Variants in DDO observed in about 807,000 individuals in gnomAD.
The protein encoded by DDO is D-aspartate oxidase.
A neutral mutation model predicts 16.8 loss-of-function variants in DDO; 16 were observed. The observed-to-expected ratio is 0.95, with a 90% CI of 0.65 to 1.45. The LOEUF is 1.45. DDO is among the 40% of genes most tolerant of loss of function. The probability of loss-of-function intolerance (pLI) is 0.00; values close to 1 mark genes in which losing one functional copy is unlikely to be tolerated. For missense variants in DDO, 429 were observed against 420.3 expected (o/e 1.02, Z -0.18); for synonymous variants, 180 against 167.2 (o/e 1.08, Z -0.59).
intron 3 of DDO, among the ~76,000 whole-genome samples, chr6:110,407,130 T>C (rs1375015591): frequency 1.3e-5 from 2 of 152,096 alleles, no homozygotes; most frequent in East Asian, 3.8e-4. Context: ...AATAGATGAG[T>C]AAGGCTATAT....
downstream of DDO, chr6:110,388,866 A>C: frequency 1.1e-6 from 1 of 942,512 alleles, no homozygotes; most frequent in Non-Finnish European, 1.3e-6. Context: ...AAAATAAAGC[A>C]GTCTATTCTC....
intron 2 of DDO, among the ~76,000 whole-genome samples, chr6:110,409,743 T>C (rs9374174): frequency 0.39 from 59,660 of 152,056 alleles, 12,058 homozygotes; most frequent in African/African-American, 0.45. Flanking sequence ...GAACTAAATT[T>C]GGCCTCAAAT....
downstream of DDO, among the ~76,000 whole-genome samples, chr6:110,391,480 C>T (rs1773099516): frequency 6.6e-6 from 1 of 151,530 alleles, no homozygotes; most frequent in Non-Finnish European, 1.5e-5. Context: ...AGATTACAGG[C>T]ACCCACCATC....
At chr6:110,404,545 A>C (rs752413963) in intron 4 of DDO, among the ~76,000 whole-genome samples, 13 of 152,206 alleles carry the variant, frequency 8.5e-5, no homozygotes, top group Non-Finnish European at 2.9e-5. Context: ...ATCGAAGTGC[A>C]CACCAAAAAT....
At chr6:110,400,787 C>T (rs1210136173) in intron 4 of DDO, among the ~76,000 whole-genome samples, 1 of 152,252 alleles carries the variant, frequency 6.6e-6, no homozygotes, top group Non-Finnish European at 1.5e-5. Flanking sequence ...AAGGCTATCA[C>T]TAGGACTCAA....
rs781402708 is a variant in DDO, at chr6:110,413,785, TC to T, written c.-4-320del. Among the ~76,000 whole-genome samples, 7 of 152,190 alleles carry T rather than the reference TC, an allele frequency of 4.6e-5. 1 individual carries two copies. The highest frequency in any genetic ancestry group is 1.4e-4 in the African/African-American group (6 of 41,498). ...TCATTCTTCACCCTTCCCTTTTTTT[TC>T]CCCCTGAAAGGGGGTCTTGCTCTGT... On this transcript the variant is annotated intron_variant, in intron 1 of 4. Transcript: ENST00000368924.
At position 110,392,622 on chromosome 6, in the gene DDO, A is replaced by C; in HGVS notation, c.*153T>G. 7.6e-7 allele frequency: 1 copy of C among 1,311,406 alleles called. No homozygotes were observed. Among genetic ancestry groups the C allele is most frequent in the African/African-American group, 1.5e-5 (1 of 66,692 alleles). The allele number at this position is 1,311,406 out of a possible 1,614,324, so 81.2% of individuals were successfully genotyped here. ...CTCTCAAGTAGCTGGGACTATAGGC[A>C]TGCCACCGTGCTCAGCTTACATGTT... On this transcript the variant is annotated 3_prime_UTR_variant, in exon 5 of 5. Coordinates refer to ENST00000368924, the MANE Select transcript of DDO (RefSeq NM_001372108.2).
At chr6:110,410,430 A>G (rs561011256) in intron 2 of DDO, among the ~76,000 whole-genome samples, 6 of 152,354 alleles carry the variant, frequency 3.9e-5, no homozygotes, top group South Asian at 2.1e-4. Flanking sequence ...AAGCTGGTGT[A>G]TTAGTCTGTT....
chr6:110,413,494 C>T (rs368677382), intron 1 of DDO, 28 bp from the exon 2 acceptor site: 1 of 1,598,084 alleles, frequency 6.3e-7, no homozygotes, highest in Admixed American at 1.7e-5. Flanking sequence ...GGAGCTATAC[C>T]CCTTGTTTTA....
intron 1 of DDO, among the ~76,000 whole-genome samples, chr6:110,414,372 TC>T (rs1773971940): frequency 6.6e-6 from 1 of 152,222 alleles, no homozygotes; most frequent in Non-Finnish European, 1.5e-5. Context: ...TAGCCTCCAC[TC>T]CCTCATCTGT....
downstream of DDO, chr6:110,391,752 G>A (rs1349484575): frequency 6.6e-6 from 1 of 152,230 alleles, no homozygotes; most frequent in Non-Finnish European, 1.5e-5. Context: ...GAGGCTCTGA[G>A]TAGGCCTGAG....
intron 3 of DDO, among the ~76,000 whole-genome samples, chr6:110,407,750 G>A (rs1161201330): frequency 2.0e-5 from 3 of 152,138 alleles, no homozygotes; most frequent in African/African-American, 7.2e-5. Context: ...ATGTCAAATA[G>A]CATTTATTCT....
chr6:110,413,025 C>T (rs1221017115), intron 2 of DDO, among the ~76,000 whole-genome samples: 1 of 152,060 alleles, frequency 6.6e-6, no homozygotes, highest in Admixed American at 6.6e-5. Flanking sequence ...CACCTGTAGT[C>T]CCAGGTACAC....
chr6:110,413,223 A>G (rs1582496450), intron 2 of DDO, 68 bp downstream of exon 2: 2 of 1,554,536 alleles, frequency 1.3e-6, no homozygotes, highest in East Asian at 2.3e-5. Flanking sequence ...TCTTTTGTCA[A>G]TAGAATTCCA....
At chr6:110,413,232 C>T in intron 2 of DDO, 59 bp downstream of exon 2, 1 of 1,563,976 alleles carries the variant, frequency 6.4e-7, no homozygotes, top group South Asian at 1.2e-5. Flanking sequence ...AATAGAATTC[C>T]ACTAACATCA....
chr6:110,401,388 A>C (rs1773480793), intron 4 of DDO, among the ~76,000 whole-genome samples: 1 of 152,034 alleles, frequency 6.6e-6, no homozygotes, highest in Non-Finnish European at 1.5e-5. Context: ...GAAAATATTC[A>C]TGAAAAGAAA....
intron 4 of DDO, among the ~76,000 whole-genome samples, chr6:110,398,383 TACACACACACACACAC>T (rs372325600): frequency 5.4e-5 from 6 of 110,212 alleles, no homozygotes; most frequent in East Asian, 2.3e-4. Flanking sequence ...CTTAAATGCG[TACACACACACACACAC>T]ACACACACAC....
intron 4 of DDO, among the ~76,000 whole-genome samples, chr6:110,396,010 CAG>C (rs1773278131): frequency 6.6e-6 from 1 of 152,074 alleles, no homozygotes; most frequent in Non-Finnish European, 1.5e-5. Flanking sequence ...GCCTAGGAGA[CAG>C]AGCAAGACAC....
intron 3 of DDO, among the ~76,000 whole-genome samples, chr6:110,407,389 A>G (rs1773694133): frequency 6.6e-6 from 1 of 152,212 alleles, no homozygotes; most frequent in East Asian, 1.9e-4. Context: ...TTGGGAAATT[A>G]CTGACATCAG....
Sources: gnomAD v4.1 joint callset for allele counts (sites outside exome capture counted in the v4.1 genomes callset) on GRCh38, gnomAD v4.1.1 for gene constraint, MANE v1.5 for transcripts, NCBI Gene and HGNC (gene_info 2026-07-23, HGNC 2026-07-21) for gene names.